Variants in CADM2 observed in about 807,000 individuals in gnomAD.
CADM2 encodes cell adhesion molecule 2, also known as immunoglobulin superfamily member 4D.
CADM2 carries 12 observed loss-of-function variants against 49.8 expected under a neutral mutation model. The observed-to-expected ratio is 0.24, with a 90% CI of 0.15 to 0.39. The LOEUF (loss-of-function observed/expected upper bound fraction) is 0.39. Ranked by LOEUF, CADM2 falls within the 10% of genes least tolerant of loss-of-function variation. CADM2 has a pLI of 1.00. For synonymous variants in CADM2, 214 were observed against 175.4 expected, an observed-to-expected ratio of 1.22 and a Z score of -1.74; for missense variants, 378 against 492.3, an observed-to-expected ratio of 0.77 and a Z score of 2.20.
At position 85,133,661 on chromosome 3, in the gene CADM2, C is replaced by G. The variant is rs377269376; in HGVS notation, c.61+173993C>G. On this transcript the variant is annotated intron_variant, in intron 1 of 9. Transcript: ENST00000383699. ...GATTGGTGCATTCACAAACCCTGAG[C>G]TAGACACAGGGTGCTGACTGGTGTG... Among the ~76,000 whole-genome samples, 1,077 of 152,318 alleles carry G rather than the reference C, an allele frequency of 7.1e-3. 1 individual carries two copies. The highest frequency in any genetic ancestry group is 0.01 in the Non-Finnish European group (709 of 68,020).
chr3:85,837,557 T>C (rs887637803), intron 3 of CADM2, among the ~76,000 whole-genome samples: 1 of 151,632 alleles, frequency 6.6e-6, no homozygotes. Context: ...TTTTTCCAAT[T>C]GTGTCAGTTA....
chr3:85,730,978 T>C (rs2067907564), intron 2 of CADM2, among the ~76,000 whole-genome samples: 2 of 152,276 alleles, frequency 1.3e-5, no homozygotes, highest in African/African-American at 4.8e-5. Context: ...TGCTTAAGAA[T>C]TAAGATAATG....
intron 1 of CADM2, among the ~76,000 whole-genome samples, chr3:85,532,950 A>G (rs2061347932): frequency 6.6e-6 from 1 of 152,210 alleles, no homozygotes; most frequent in Non-Finnish European, 1.5e-5. Context: ...TGGGAGCTAG[A>G]TGATGAGGAG....
At chr3:86,022,655 A>G (rs1733346125) in intron 8 of CADM2, among the ~76,000 whole-genome samples, 1 of 152,156 alleles carries the variant, frequency 6.6e-6, no homozygotes, top group Admixed American at 6.6e-5. Flanking sequence ...CATAATAGCC[A>G]TTTTAGCTTT....
chr3:85,845,850 AT>A (rs2074856459), intron 3 of CADM2, among the ~76,000 whole-genome samples: 2 of 152,270 alleles, frequency 1.3e-5, no homozygotes, highest in South Asian at 4.1e-4. Flanking sequence ...TGAATGGAAT[AT>A]TTGGTTTTCT....
intron 1 of CADM2, among the ~76,000 whole-genome samples, chr3:85,143,470 A>T (rs2039639501): frequency 6.6e-6 from 1 of 152,210 alleles, no homozygotes; most frequent in South Asian, 2.1e-4. Context: ...ACAGAACAAG[A>T]TCCTGTCTCA....
At chr3:85,949,868 A>T (rs932236917) in intron 7 of CADM2, among the ~76,000 whole-genome samples, 1 of 151,066 alleles carries the variant, frequency 6.6e-6, no homozygotes, top group Admixed American at 6.6e-5. Context: ...TTACTCTTGT[A>T]TAAAAAATAG....
At chr3:85,192,978 C>T (rs1305363510) in intron 1 of CADM2, among the ~76,000 whole-genome samples, 1 of 151,960 alleles carries the variant, frequency 6.6e-6, no homozygotes. Flanking sequence ...GGATTATAGG[C>T]AGGAGATTTA....
chr3:85,813,253 G>A (rs1007771303), intron 3 of CADM2, among the ~76,000 whole-genome samples: 14 of 152,332 alleles, frequency 9.2e-5, no homozygotes, highest in African/African-American at 3.4e-4. Context: ...TAACTGGTGT[G>A]TGATGGTATC....
chr3:85,532,171 C>T lies in CADM2; in HGVS notation c.62-194351C>T, dbSNP rs539204609. Among the ~76,000 whole-genome samples, 1,290 of 146,734 alleles carry T rather than the reference C, an allele frequency of 8.8e-3. 20 individuals carry two copies. Among genetic ancestry groups the T allele is most frequent in the African/African-American group, 0.027 (1,126 of 41,200 alleles). ...TAGCCTGGGCGACAGAGCGAGACTCCGTCTCAAAAATAATAATAATAATAA... is the reference window on the plus strand; with the variant it reads ...TAGCCTGGGCGACAGAGCGAGACTCTGTCTCAAAAATAATAATAATAATAA... On this transcript the variant is annotated intron_variant, in intron 1 of 9. Coordinates refer to ENST00000383699, the MANE Select transcript of CADM2 (RefSeq NM_001167675.2).
intron 7 of CADM2, among the ~76,000 whole-genome samples, chr3:85,941,829 G>A (rs1400042944): frequency 6.6e-6 from 1 of 152,040 alleles, no homozygotes; most frequent in Non-Finnish European, 1.5e-5. Context: ...CTCAGGAGTG[G>A]TGAGGAATCC....
chr3:85,284,441 A>G (rs1260735407), intron 1 of CADM2, among the ~76,000 whole-genome samples: 1 of 152,114 alleles, frequency 6.6e-6, no homozygotes, highest in Non-Finnish European at 1.5e-5. Context: ...AACAAGGAGA[A>G]GAAGAAAAAT....
At chr3:85,427,917 TTCAATGGAA>T (rs1177418137) in intron 1 of CADM2, among the ~76,000 whole-genome samples, 1 of 152,110 alleles carries the variant, frequency 6.6e-6, no homozygotes, top group Non-Finnish European at 1.5e-5. Flanking sequence ...CAGCTATAAC[TTCAATGGAA>T]TTGAATGACT....
At chr3:85,093,857 G>A (rs1291530195) in intron 1 of CADM2, among the ~76,000 whole-genome samples, 2 of 152,042 alleles carry the variant, frequency 1.3e-5, no homozygotes, top group African/African-American at 4.8e-5. Flanking sequence ...TGGGAGAGGA[G>A]TTGATGATTG....
intron 2 of CADM2, among the ~76,000 whole-genome samples, chr3:85,745,027 G>A (rs1458577067): frequency 2.6e-5 from 4 of 152,034 alleles, no homozygotes; most frequent in Non-Finnish European, 5.9e-5. Flanking sequence ...GTGTGGCGTT[G>A]GTGAGAAGAA....
chr3:85,832,454 G>C (rs1225993716), intron 3 of CADM2, among the ~76,000 whole-genome samples: 1 of 151,834 alleles, frequency 6.6e-6, no homozygotes, highest in East Asian at 1.9e-4. Context: ...ATGAGCATGG[G>C]ATGCTTTTCA....
chr3:85,649,221 TC>T (rs1418853957), intron 1 of CADM2, among the ~76,000 whole-genome samples: 18 of 152,304 alleles, frequency 1.2e-4, no homozygotes, highest in African/African-American at 4.3e-4. Flanking sequence ...AATGGCCATT[TC>T]AATGTCATCA....
chr3:85,616,086 G>C (rs1355271316), intron 1 of CADM2, among the ~76,000 whole-genome samples: 1 of 151,750 alleles, frequency 6.6e-6, no homozygotes, highest in African/African-American at 2.4e-5. Flanking sequence ...AAAGAGCCTC[G>C]AGGTAAGCTG....
At chr3:84,991,463 T>C (rs537624358) in intron 1 of CADM2, among the ~76,000 whole-genome samples, 5 of 152,124 alleles carry the variant, frequency 3.3e-5, no homozygotes, top group Non-Finnish European at 5.9e-5. Flanking sequence ...TACTATATCA[T>C]AAAGCAAATT....
Sources: gnomAD v4.1 joint callset for allele counts (sites outside exome capture counted in the v4.1 genomes callset) on GRCh38, gnomAD v4.1.1 for gene constraint, MANE v1.5 for transcripts, NCBI Gene and HGNC (gene_info 2026-07-23, HGNC 2026-07-21) for gene names.